Variants in FSBP observed in about 807,000 individuals in gnomAD.
FSBP encodes the protein fibrinogen silencer-binding protein.
In FSBP, 18 loss-of-function variants were observed where a neutral mutation model predicts 24.6. The observed-to-expected ratio is 0.73, with a 90% CI of 0.51 to 1.08. The LOEUF is 1.08. Among genes scored for constraint, FSBP ranks in the 50% least tolerant of loss-of-function variants. The pLI is 0.00. For missense variants in FSBP, 305 were observed against 347.6 expected, an observed-to-expected ratio of 0.88 and a Z score of 0.98; for synonymous variants, 110 against 125.8, an observed-to-expected ratio of 0.87 and a Z score of 0.84.
chr8:94,436,757 C>A lies in FSBP; in HGVS notation c.112G>T (p.Val38Leu). 6.4e-7 allele frequency: 1 copy of A among 1,550,594 alleles called. No individual in the cohort carries two copies. The highest frequency in any genetic ancestry group is 8.7e-7 in the Non-Finnish European group (1 of 1,146,954). The change falls in exon 1 of 2, where the codon GTA (valine) becomes TTA (leucine). Residue 38 changes from valine to leucine, a missense_variant. Physicochemically the swap from Val to Leu is conservative, Grantham distance 32. Transcript: ENST00000481490. ...CAACATCTATTCTTTTCTACTATTA[C>A]TGAATGTTTATTAGTGTGTTCTTCG... is the stretch of plus-strand genomic sequence containing the variant. ...ILEEHTNKHS[V>L]IVEKNRCWDI...
Position 94,431,033 on chromosome 8 carries a change from A to G in FSBP, c.*1098T>C. 1.0e-6 allele frequency: 1 copy of G among 985,200 alleles called. No individual in the cohort carries two copies. Among genetic ancestry groups the G allele is most frequent in the African/African-American group, 1.7e-5 (1 of 57,274 alleles). 61.0% of individuals were successfully genotyped at this position (985,200 alleles called of 1,614,324 possible). On this transcript the variant is annotated 3_prime_UTR_variant, in exon 2 of 2. Coordinates refer to ENST00000481490, the MANE Select transcript of FSBP (RefSeq NM_001256141.2). ...CCCCTTCACTGCTGAAATTACACCC[A>G]CCCCATTCTACAACTTGGCTTAAAA...
chr8:94,433,729 A>C (rs1812183320), intron 1 of FSBP, among the ~76,000 whole-genome samples: 1 of 151,882 alleles, frequency 6.6e-6, no homozygotes, highest in Non-Finnish European at 1.5e-5. Flanking sequence ...CTTCTGCCTA[A>C]CTTAAAAATA....
In FSBP at chr8:94,432,110, T is replaced by G. The variant is rs566886309; in HGVS notation, c.*21A>C. The stretch of plus-strand genomic sequence containing the variant: ...TTTGGCCAAAATCAAAATTATCAAA[T>G]TGCAAGATTGAAAAAAAAACTTAGA... On this transcript the variant is annotated 3_prime_UTR_variant, in exon 2 of 2. Transcript: ENST00000481490. 5.4e-5 allele frequency: 81 copies of G among 1,510,816 alleles called. No homozygotes were observed. The African/African-American group carries it at 1.1e-3, about 20-fold the overall frequency. The allele number at this position is 1,510,816 out of a possible 1,614,324, so 93.6% of individuals were successfully genotyped here.
At position 94,427,946 on chromosome 8, in the gene FSBP, A is replaced by G; in HGVS notation, c.*4185T>C. The G allele has an allele frequency of 1.1e-6, 1 of 912,938 alleles. No individual in the cohort carries two copies. The highest frequency in any genetic ancestry group is 1.3e-6 in the Non-Finnish European group (1 of 764,194). 56.6% of individuals were successfully genotyped at this position (912,938 alleles called of 1,614,324 possible). On this transcript the variant is annotated 3_prime_UTR_variant, in exon 2 of 2. Transcript: ENST00000481490. ...AATGACTCCTTAAAAAAAAAAATGA[A>G]ATAACACCAAGTTAATATCTCATCA...
chr8:94,427,999 T>A lies in FSBP; in HGVS notation c.*4132A>T, dbSNP rs532611443. On this transcript the variant is annotated 3_prime_UTR_variant, in exon 2 of 2. Coordinates refer to ENST00000481490, the MANE Select transcript of FSBP (RefSeq NM_001256141.2). ...CACAAAAGAAAAATACTTGACTATTTTAAGAAATCTGGTATTCGTTAGAAA... is the reference window on the plus strand; with the variant it reads ...CACAAAAGAAAAATACTTGACTATTATAAGAAATCTGGTATTCGTTAGAAA... 1 of 930,002 alleles carries A rather than the reference T, an allele frequency of 1.1e-6. No individual in the cohort carries two copies. The highest frequency in any genetic ancestry group is 1.8e-5 in the African/African-American group (1 of 56,046). 57.6% of individuals were successfully genotyped at this position (930,002 alleles called of 1,614,324 possible). A position where few individuals can be genotyped will look rare whatever the true frequency, so the allele number is the denominator to read the frequency against.
At position 94,436,628 on chromosome 8, in the gene FSBP, G is replaced by C; in HGVS notation, c.241C>G (p.Gln81Glu). Residue 81 changes from glutamine to glutamate, a missense_variant, in exon 1 of 2, where the codon CAG becomes GAG. Physicochemically the swap from Gln to Glu is conservative, Grantham distance 29. Coordinates refer to ENST00000481490, the MANE Select transcript of FSBP (RefSeq NM_001256141.2). ...LYKRLKEYAK[Q>E]ELLQQKETQS... The stretch of plus-strand genomic sequence containing the variant: ...GTCTCTTTTTGCTGCAATAGCTCCT[G>C]TTTGGCATATTCTTTGAGCCTTTTA... 1 of 1,550,512 alleles carries C rather than the reference G, an allele frequency of 6.4e-7. No homozygotes were observed. The highest frequency in any genetic ancestry group is 8.7e-7 in the Non-Finnish European group (1 of 1,146,952).
At chr8:94,432,755 C>A in intron 1 of FSBP, 99 bp from the exon 2 acceptor site, 7 of 1,314,078 alleles carry the variant, frequency 5.3e-6, no homozygotes, top group Non-Finnish European at 6.9e-6. Context: ...AATGATAAAG[C>A]TTTAAAACTA....
rs752490774 is a variant in FSBP at position 94,430,537 on chromosome 8, A to G, written c.*1594T>C. The G allele has an allele frequency of 1.3e-6, 1 of 795,906 alleles. No individual in the cohort carries two copies. The highest frequency in any genetic ancestry group is 1.3e-4 in the East Asian group (1 of 7,920). 49.3% of individuals were successfully genotyped at this position (795,906 alleles called of 1,614,324 possible). On this transcript the variant is annotated 3_prime_UTR_variant, in exon 2 of 2. Coordinates refer to ENST00000481490, the MANE Select transcript of FSBP (RefSeq NM_001256141.2). ...ATTAAAAGAGATTGCTGACACCCCC[A>G]GGGTTTCTAATTCACTTGGAAATGG...
Position 94,430,878 on chromosome 8 carries a change from A to G in FSBP, c.*1253T>C. On this transcript the variant is annotated 3_prime_UTR_variant, in exon 2 of 2. Transcript: ENST00000481490. ...CCTAGTCCAGGATACTACAGCCCAA[A>G]TTGACTCTCTCTACATTCACTTAAA... The G allele has an allele frequency of 2.0e-6, 2 of 985,338 alleles. No individual in the cohort carries two copies. The highest frequency in any genetic ancestry group is 2.4e-6 in the Non-Finnish European group (2 of 829,914). The allele number at this position is 985,338 out of a possible 1,614,324, so 61.0% of individuals were successfully genotyped here.
rs985207755 is a variant in FSBP, at chr8:94,428,644, T to C, written c.*3487A>G. 2.8e-6 allele frequency: 2 copies of C among 713,570 alleles called. No individual in the cohort carries two copies. The highest frequency in any genetic ancestry group is 3.4e-6 in the Non-Finnish European group (2 of 582,192). 44.2% of individuals were successfully genotyped at this position (713,570 alleles called of 1,614,324 possible). ...TAAATTTCGTATTACTTTTTATTGT[T>C]GTACTGTTATTTATTTTTCTGCCTG... On this transcript the variant is annotated 3_prime_UTR_variant, in exon 2 of 2. Transcript: ENST00000481490.
Position 94,429,963 on chromosome 8 carries a change from C to G in FSBP, c.*2168G>C, listed in dbSNP as rs1232286993. ...TAAATCACAACTATAATCAAATTAGCCCTCTAATTCAAAGCATTCAATGGC... is the reference window on the plus strand; with the variant it reads ...TAAATCACAACTATAATCAAATTAGGCCTCTAATTCAAAGCATTCAATGGC... On this transcript the variant is annotated 3_prime_UTR_variant, in exon 2 of 2. Coordinates refer to ENST00000481490, the MANE Select transcript of FSBP (RefSeq NM_001256141.2). 1.0e-4 allele frequency: 103 copies of G among 985,134 alleles called. No individual in the cohort carries two copies. Among genetic ancestry groups the G allele is most frequent in the Non-Finnish European group, 1.2e-4 (101 of 829,842 alleles). 61.0% of individuals were successfully genotyped at this position (985,134 alleles called of 1,614,324 possible). A position where few individuals can be genotyped will look rare whatever the true frequency, so the allele number is the denominator to read the frequency against.
chr8:94,428,103 C>T lies in FSBP; in HGVS notation c.*4028G>A. On this transcript the variant is annotated 3_prime_UTR_variant, in exon 2 of 2. Coordinates refer to ENST00000481490, the MANE Select transcript of FSBP (RefSeq NM_001256141.2). ...AAATCATAAGTTGTAACAACATATCCATTACATTCATATGGATAAGAGAAA... is the reference window on the plus strand; with the variant it reads ...AAATCATAAGTTGTAACAACATATCTATTACATTCATATGGATAAGAGAAA... The T allele has an allele frequency of 1.1e-6, 1 of 928,214 alleles. No homozygotes were observed. The highest frequency in any genetic ancestry group is 1.3e-6 in the Non-Finnish European group (1 of 778,028). The allele number at this position is 928,214 out of a possible 1,614,324, so 57.5% of individuals were successfully genotyped here. A position where few individuals can be genotyped will look rare whatever the true frequency, so the allele number is the denominator to read the frequency against.
Position 94,427,804 on chromosome 8 carries a change from T to C in FSBP, c.*4327A>G. 1 of 959,164 alleles carries C rather than the reference T, an allele frequency of 1.0e-6. No homozygotes were observed. Among genetic ancestry groups the C allele is most frequent in the Non-Finnish European group, 1.2e-6 (1 of 806,158 alleles). The allele number at this position is 959,164 out of a possible 1,614,324, so 59.4% of individuals were successfully genotyped here. On this transcript the variant is annotated 3_prime_UTR_variant, in exon 2 of 2. Transcript: ENST00000481490. ...ACAGTATATATTAAACACAATTTAT[T>C]ACACTCTAAGTTATTTAAACATGTG...
Position 94,429,806 on chromosome 8 carries a change from A to G in FSBP, c.*2325T>C, listed in dbSNP as rs1422969028. ...TATAAAACACCCTCTTTTTAATCCA[A>G]CCAATGAAATTAAGTAGTCAACATG... On this transcript the variant is annotated 3_prime_UTR_variant, in exon 2 of 2. Coordinates refer to ENST00000481490, the MANE Select transcript of FSBP (RefSeq NM_001256141.2). 5 of 985,282 alleles carry G rather than the reference A, an allele frequency of 5.1e-6. No individual in the cohort carries two copies. The highest frequency in any genetic ancestry group is 6.0e-6 in the Non-Finnish European group (5 of 829,914). The allele number at this position is 985,282 out of a possible 1,614,324, so 61.0% of individuals were successfully genotyped here.
chr8:94,434,008 C>A (rs1174412501), intron 1 of FSBP, among the ~76,000 whole-genome samples: 1 of 151,624 alleles, frequency 6.6e-6, no homozygotes, highest in Non-Finnish European at 1.5e-5. Flanking sequence ...AATAAAAAAT[C>A]TATTTGTAGG....
chr8:94,430,206 G>T lies in FSBP; in HGVS notation c.*1925C>A, dbSNP rs191890145. 6 of 671,588 alleles carry T rather than the reference G, an allele frequency of 8.9e-6. No homozygotes were observed. The Admixed American group carries it at 3.8e-4, about 43-fold the overall frequency. 41.6% of individuals were successfully genotyped at this position (671,588 alleles called of 1,614,324 possible). On this transcript the variant is annotated 3_prime_UTR_variant, in exon 2 of 2. Coordinates refer to ENST00000481490, the MANE Select transcript of FSBP (RefSeq NM_001256141.2). Reference sequence around the variant, plus strand: ...TGCGCCTGTAGTCCCAGCTACTTGGGAAGCTGAAGCAGGAGAATCGCTTGA... The same window carrying T: ...TGCGCCTGTAGTCCCAGCTACTTGGTAAGCTGAAGCAGGAGAATCGCTTGA...
chr8:94,436,672 T>C lies in FSBP; in HGVS notation c.197A>G (p.Gln66Arg). 1 of 1,550,646 alleles carries C rather than the reference T, an allele frequency of 6.4e-7. No individual in the cohort carries two copies. Among genetic ancestry groups the C allele is most frequent in the South Asian group, 1.2e-5 (1 of 84,062 alleles). ...CCTTTTATAAAGGGTGCGTAGGCCC[T>C]GTGCTGTTCGAGGAGGGCGGTCTAC... ...IGVDRPPRTA[Q>R]GLRTLYKRLK... is the part of the protein sequence containing the mutation. Residue 66 changes from glutamine to arginine, a missense_variant, in exon 1 of 2, where the codon CAG becomes CGG. Coordinates refer to ENST00000481490, the MANE Select transcript of FSBP (RefSeq NM_001256141.2).
rs1276441255 is a variant in FSBP at position 94,429,098 on chromosome 8, G to A, written c.*3033C>T. 4 of 985,148 alleles carry A rather than the reference G, an allele frequency of 4.1e-6. No homozygotes were observed. The highest frequency in any genetic ancestry group is 4.8e-6 in the Non-Finnish European group (4 of 829,860). 61.0% of individuals were successfully genotyped at this position (985,148 alleles called of 1,614,324 possible). A position where few individuals can be genotyped will look rare whatever the true frequency, so the allele number is the denominator to read the frequency against. On this transcript the variant is annotated 3_prime_UTR_variant, in exon 2 of 2. Transcript: ENST00000481490. The stretch of plus-strand genomic sequence containing the variant: ...ACTTGGAGAAAAACAAGATTGACTT[G>A]GAAAAGTTGCTGCAGTAAACTCAAA...
chr8:94,428,809 G>T lies in FSBP; in HGVS notation c.*3322C>A. The T allele has an allele frequency of 2.0e-6, 2 of 984,916 alleles. No homozygotes were observed. Among genetic ancestry groups the T allele is most frequent in the Non-Finnish European group, 2.4e-6 (2 of 829,798 alleles). 61.0% of individuals were successfully genotyped at this position (984,916 alleles called of 1,614,324 possible). ...CTTGTCCTCAACAAAAACTGCTAAT[G>T]TTAGTTGGTAAGTAGTCCCCTAACT... On this transcript the variant is annotated 3_prime_UTR_variant, in exon 2 of 2. Transcript: ENST00000481490.
Sources: allele counts gnomAD v4.1 joint callset (sites outside exome capture counted in the v4.1 genomes callset), GRCh38; gene constraint gnomAD v4.1.1; transcripts MANE v1.5; gene names NCBI Gene and HGNC (gene_info 2026-07-23, HGNC 2026-07-21).